The following ZC3H12B variants were observed in gnomAD, a reference collection of about 807,000 sequenced individuals.
ZC3H12B encodes probable ribonuclease ZC3H12B.
ZC3H12B carries 7 observed loss-of-function variants against 43.9 expected under a neutral mutation model. The ratio of observed to expected loss-of-function variants is 0.16; its 90% CI spans 0.09 to 0.30. The LOEUF is 0.30. Among genes scored for constraint, ZC3H12B ranks in the 10% least tolerant of loss-of-function variants. ZC3H12B has a pLI of 1.00. For synonymous variants in ZC3H12B, 222 were observed against 241.7 expected (o/e 0.92, Z 0.76); for missense variants, 475 against 670.2 (o/e 0.71, Z 3.22).
the ZC3H12B span, among the ~76,000 whole-genome samples, chrX:65,120,728 G>C: frequency 3.6e-5 from 4 of 111,478 alleles, no homozygotes; most frequent in Non-Finnish European, 7.5e-5. Flanking sequence ...TCTTGTGCCA[G>C]TTTTCAAAGG....
At chrX:65,472,401 T>C (rs1160202103) in intron 3 of ZC3H12B, among the ~76,000 whole-genome samples, 1 of 80,274 alleles carries the variant, frequency 1.2e-5, no homozygotes, top group African/African-American at 3.4e-4. Context: ...GTTTTTTTTG[T>C]TTGTTTGTTT....
At chrX:65,145,400 G>A in the ZC3H12B span, among the ~76,000 whole-genome samples, 2 of 111,076 alleles carry the variant, frequency 1.8e-5, no homozygotes, top group African/African-American at 3.3e-5. Context: ...GCATATAATT[G>A]GTTGGTGAAT....
At chrX:65,473,587 A>C (rs2067955706) in intron 3 of ZC3H12B, among the ~76,000 whole-genome samples, 1 of 111,897 alleles carries the variant, frequency 8.9e-6, no homozygotes, top group Non-Finnish European at 1.9e-5. Context: ...AATTTTCTTC[A>C]TCAATGTTTT....
the ZC3H12B span, among the ~76,000 whole-genome samples, chrX:65,210,943 A>G: frequency 1.5e-4 from 8 of 51,761 alleles, no homozygotes; most frequent in East Asian, 4.8e-3. Context: ...GGGGGGAGGG[A>G]TAGCATTGGG....
chrX:65,181,431 G>A, the ZC3H12B span, among the ~76,000 whole-genome samples: 23 of 111,644 alleles, frequency 2.1e-4, no homozygotes, highest in Non-Finnish European at 3.8e-5. Flanking sequence ...AAGAGCTTCT[G>A]CACAGCAAAA....
the ZC3H12B span, among the ~76,000 whole-genome samples, chrX:65,316,976 A>T: frequency 9.0e-6 from 1 of 111,655 alleles, no homozygotes; most frequent in Non-Finnish European, 1.9e-5. Context: ...TGGAAAACAG[A>T]AAATTGCAGG....
the ZC3H12B span, among the ~76,000 whole-genome samples, chrX:65,169,479 G>T: frequency 6.2e-4 from 70 of 112,008 alleles, no homozygotes; most frequent in African/African-American, 2.0e-3. Flanking sequence ...TGGAATAAGT[G>T]CAATATGGTG....
chrX:65,103,446 A>G, the ZC3H12B span, among the ~76,000 whole-genome samples: 1 of 111,781 alleles, frequency 8.9e-6, no homozygotes. Flanking sequence ...CATGCTTTAC[A>G]AACAATTTGT....
the ZC3H12B span, among the ~76,000 whole-genome samples, chrX:65,193,423 A>T: frequency 2.7e-5 from 3 of 111,720 alleles, no homozygotes; most frequent in East Asian, 8.4e-4. Context: ...ATTTATTGGC[A>T]CATAGTTGCT....
At chrX:65,182,383 C>T in the ZC3H12B span, among the ~76,000 whole-genome samples, 2 of 110,662 alleles carry the variant, frequency 1.8e-5, no homozygotes, top group African/African-American at 3.3e-5. Context: ...CAAACCTGCA[C>T]GTTCTGCACA....
the ZC3H12B span, among the ~76,000 whole-genome samples, chrX:65,046,862 T>C: frequency 9.0e-6 from 1 of 111,046 alleles, no homozygotes; most frequent in Admixed American, 9.6e-5. Flanking sequence ...TTATCATGAT[T>C]TCAATATTGT....
chrX:65,481,488 C>G (rs1746116467), intron 3 of ZC3H12B, among the ~76,000 whole-genome samples: 1 of 111,130 alleles, frequency 9.0e-6, no homozygotes, highest in African/African-American at 3.3e-5. Context: ...AATACCCTGA[C>G]TCCAGCTCCA....
chrX:65,048,340 G>C, the ZC3H12B span, among the ~76,000 whole-genome samples: 5 of 111,388 alleles, frequency 4.5e-5, no homozygotes, highest in African/African-American at 1.6e-4. Flanking sequence ...TTGTTTACAC[G>C]TCCTGGCTAT....
chrX:65,502,273 G>C, exon 5 of ZC3H12B: 1 of 1,211,422 alleles, frequency 8.3e-7, no homozygotes, highest in Non-Finnish European at 1.1e-6. Flanking sequence ...ACAGCCATGG[G>C]ACCCCTATTA....
the ZC3H12B span, among the ~76,000 whole-genome samples, chrX:65,073,188 A>G: frequency 9.8e-5 from 11 of 112,145 alleles, no homozygotes; most frequent in African/African-American, 2.9e-4. Flanking sequence ...GTGTACATAC[A>G]CACACACACA....
At position 65,401,296 on chromosome X, in the gene ZC3H12B, C is replaced by T. The variant is rs183204346; in HGVS notation, n.407+2592C>T. On this transcript the variant is annotated intron_variant and non_coding_transcript_variant, in intron 3 of 5. Coordinates refer to the ZC3H12B transcript ENST00000617377. Reference sequence around the variant, plus strand: ...GAAGGTGAGCACAGCAATTGTGAGGCATTAATCTCAGTGCTATCCTTTTAG... The same window carrying T: ...GAAGGTGAGCACAGCAATTGTGAGGTATTAATCTCAGTGCTATCCTTTTAG... 2.7e-5 allele frequency among the ~76,000 whole-genome samples: 3 copies of T among 111,398 alleles called. No individual in the cohort carries two copies. The East Asian group carries it at 8.5e-4, about 31-fold the overall frequency.
chrX:65,228,600 G>T, the ZC3H12B span, among the ~76,000 whole-genome samples: 2 of 111,534 alleles, frequency 1.8e-5, no homozygotes, highest in Non-Finnish European at 3.8e-5. Context: ...AATTGTCCCT[G>T]TTTGCAGATG....
the ZC3H12B span, among the ~76,000 whole-genome samples, chrX:65,183,307 C>T: frequency 1.8e-5 from 2 of 111,561 alleles, no homozygotes; most frequent in Admixed American, 9.6e-5. Context: ...AGCAAACTAA[C>T]GCAGGAACAG....
At chrX:65,052,703 TCA>T in the ZC3H12B span, among the ~76,000 whole-genome samples, 1 of 111,553 alleles carries the variant, frequency 9.0e-6, no homozygotes, top group Non-Finnish European at 1.9e-5. Context: ...TAGGGTGCTC[TCA>T]AATCTTAGCT....
Sources: gnomAD v4.1 joint callset for allele counts (sites outside exome capture counted in the v4.1 genomes callset) on GRCh38, gnomAD v4.1.1 for gene constraint, MANE v1.5 for transcripts, NCBI Gene and HGNC (gene_info 2026-07-23, HGNC 2026-07-21) for gene names.